The following CAB39L variants were observed in gnomAD, a reference collection of about 807,000 sequenced individuals.
The protein encoded by CAB39L is calcium-binding protein 39-like.
Under a neutral mutation model 39.1 loss-of-function variants are expected in CAB39L, and 23 were observed. The observed-to-expected ratio is 0.59, with a 90% CI of 0.42 to 0.83. CAB39L has a LOEUF of 0.83. CAB39L is among the 40% of genes least tolerant of loss of function. The probability of loss-of-function intolerance (pLI) is 0.00; values close to 1 mark genes in which losing one functional copy is unlikely to be tolerated. For missense variants in CAB39L, 366 were observed against 391.9 expected (o/e 0.93, Z 0.56); for synonymous variants, 126 against 137.2 (o/e 0.92, Z 0.57).
chr13:49,329,937 A>G (rs1408353495), intron 10 of CAB39L, among the ~76,000 whole-genome samples: 21 of 152,102 alleles, frequency 1.4e-4, no homozygotes, highest in Non-Finnish European at 2.9e-5. Context: ...ACATTTATCT[A>G]ACTGCATGCT....
chr13:49,385,531 G>C (rs944920976), intron 3 of CAB39L, among the ~76,000 whole-genome samples: 1 of 152,176 alleles, frequency 6.6e-6, no homozygotes, highest in Admixed American at 6.5e-5. Context: ...TGATGCAAAA[G>C]GCCTAGCTTT....
At chr13:49,347,169 G>A (rs1208786881) in intron 7 of CAB39L, among the ~76,000 whole-genome samples, 2 of 151,852 alleles carry the variant, frequency 1.3e-5, no homozygotes, top group East Asian at 3.9e-4. Flanking sequence ...AAAGAAAATT[G>A]GTGTTTCCAA....
At chr13:49,319,190 G>C (rs796196223) in intron 10 of CAB39L, among the ~76,000 whole-genome samples, 22 of 152,266 alleles carry the variant, frequency 1.4e-4, no homozygotes, top group Admixed American at 7.2e-4. Context: ...GTTGCAGTGA[G>C]CCGAGATCGT....
intron 3 of CAB39L, among the ~76,000 whole-genome samples, chr13:49,423,764 G>A (rs1594090182): frequency 1.3e-5 from 2 of 152,166 alleles, no homozygotes; most frequent in Admixed American, 1.3e-4. Flanking sequence ...TACAACACAT[G>A]GAGAACACAA....
chr13:49,316,633 G>A (rs1037570123), intron 10 of CAB39L, among the ~76,000 whole-genome samples: 4 of 152,160 alleles, frequency 2.6e-5, no homozygotes, highest in African/African-American at 9.7e-5. Flanking sequence ...ATGACCAAGT[G>A]GGATTTATTC....
chr13:49,322,382 T>A (rs774352235), intron 10 of CAB39L, among the ~76,000 whole-genome samples: 1 of 152,240 alleles, frequency 6.6e-6, no homozygotes, highest in Non-Finnish European at 1.5e-5. Context: ...TCAATGAGTA[T>A]GTCCTTATAA....
intron 3 of CAB39L, among the ~76,000 whole-genome samples, chr13:49,383,945 G>A (rs1283615146): frequency 6.6e-6 from 1 of 152,140 alleles, no homozygotes; most frequent in African/African-American, 2.4e-5. Flanking sequence ...TAATGTTGAT[G>A]GCTGCTGACT....
At chr13:49,347,400 C>T (rs1955211096) in intron 7 of CAB39L, among the ~76,000 whole-genome samples, 1 of 152,184 alleles carries the variant, frequency 6.6e-6, no homozygotes, top group African/African-American at 2.4e-5. Flanking sequence ...GGGAAATTTT[C>T]AGAAATACAT....
intron 7 of CAB39L, among the ~76,000 whole-genome samples, chr13:49,346,100 G>GAGAGATATATATATATATATAT (rs1555254610): frequency 9.7e-5 from 3 of 30,922 alleles, no homozygotes; most frequent in South Asian, 9.7e-4. Flanking sequence ...ATATATGCTA[G>GAGAGATATATATATATATATAT]ATATATATAT....
intron 5 of CAB39L, among the ~76,000 whole-genome samples, chr13:49,369,050 T>G (rs543914904): frequency 6.6e-6 from 1 of 152,182 alleles, no homozygotes; most frequent in Non-Finnish European, 1.5e-5. Context: ...AAAGAAGAGA[T>G]ATGGTAGCAA....
intron 1 of CAB39L, among the ~76,000 whole-genome samples, chr13:49,439,200 G>A (rs908521548): frequency 2.0e-5 from 3 of 151,702 alleles, no homozygotes; most frequent in Admixed American, 6.6e-5. Context: ...ATTGAGTTTT[G>A]TCTGCTCTCA....
At chr13:49,384,937 G>A (rs764100140) in intron 3 of CAB39L, among the ~76,000 whole-genome samples, 68 of 152,312 alleles carry the variant, frequency 4.5e-4, no homozygotes, top group Non-Finnish European at 7.4e-4. Flanking sequence ...TAAGAGCCTA[G>A]GGTTTTTGGA....
intron 1 of CAB39L, among the ~76,000 whole-genome samples, chr13:49,442,669 G>A (rs1337937851): frequency 6.6e-6 from 1 of 151,734 alleles, no homozygotes; most frequent in Non-Finnish European, 1.5e-5. Flanking sequence ...GCCGGTGTCT[G>A]TAGTCCCAGC....
Position 49,381,217 on chromosome 13 carries a change from T to C in CAB39L, c.111+1583A>G, listed in dbSNP as rs962558927. On this transcript the variant is annotated intron_variant, in intron 4 of 10. Coordinates refer to ENST00000409308, the MANE Select transcript of CAB39L (RefSeq NM_001079670.3). The stretch of plus-strand genomic sequence containing the variant: ...TGCTGGGATTACAGGCGTGAGCCAC[T>C]GCGCCTGGCTGACACTACTTTTAAA... Among the ~76,000 whole-genome samples, 115 of 152,324 alleles carry C rather than the reference T, an allele frequency of 7.5e-4. 1 individual carries two copies. The highest frequency in any genetic ancestry group is 6.8e-3 in the Middle Eastern group (2 of 294).
intron 5 of CAB39L, among the ~76,000 whole-genome samples, chr13:49,366,220 A>G (rs995175300): frequency 6.6e-6 from 1 of 152,146 alleles, no homozygotes; most frequent in African/African-American, 2.4e-5. Context: ...AAAACAATAG[A>G]AACAATGAAT....
intron 3 of CAB39L, among the ~76,000 whole-genome samples, chr13:49,407,447 T>C (rs74075203): frequency 6.6e-4 from 100 of 152,242 alleles, no homozygotes; most frequent in African/African-American, 2.4e-3. Flanking sequence ...ATTGAATTGA[T>C]TAGTCCATTA....
chr13:49,397,419 CTCAG>C (rs1253154203), intron 3 of CAB39L, among the ~76,000 whole-genome samples: 6 of 151,996 alleles, frequency 3.9e-5, no homozygotes, highest in African/African-American at 1.4e-4. Flanking sequence ...ATCTGGAAGC[CTCAG>C]TCAGACTTAC....
chr13:49,317,495 A>G (rs1954192943), intron 10 of CAB39L, among the ~76,000 whole-genome samples: 2 of 152,118 alleles, frequency 1.3e-5, no homozygotes, highest in Admixed American at 1.3e-4. Flanking sequence ...GTGCCACCAC[A>G]CTCCCACCTG....
chr13:49,433,222 T>C (rs1215297816), intron 3 of CAB39L, 96 bp downstream of exon 3: 1 of 317,596 alleles, frequency 3.1e-6, no homozygotes, highest in African/African-American at 2.2e-5. Flanking sequence ...CAATATTATA[T>C]TTATTCCTGA....
Sources: allele counts gnomAD v4.1 joint callset (sites outside exome capture counted in the v4.1 genomes callset), GRCh38; gene constraint gnomAD v4.1.1; transcripts MANE v1.5; gene names NCBI Gene and HGNC (gene_info 2026-07-23, HGNC 2026-07-21).